Variants in NOL4 observed in about 807,000 individuals in gnomAD.
NOL4 encodes the protein nucleolar protein 4, also known as cancer/testis antigen 125.
In NOL4, 17 loss-of-function variants were observed where a neutral mutation model predicts 75.9. The ratio of observed to expected loss-of-function variants is 0.22; its 90% CI spans 0.15 to 0.34. The LOEUF (loss-of-function observed/expected upper bound fraction) is 0.34, where lower values mean the gene tolerates loss of function less well. NOL4 is among the 10% of genes least tolerant of loss of function. The pLI, the probability that NOL4 is intolerant of heterozygous loss-of-function variation, is 1.00. For missense variants in NOL4, 614 were observed against 793.5 expected (o/e 0.77, Z 2.72); for synonymous variants, 292 against 289.9 (o/e 1.01, Z -0.07).
At chr18:33,988,879 C>T (rs2072691972) in intron 6 of NOL4, among the ~76,000 whole-genome samples, 1 of 151,896 alleles carries the variant, frequency 6.6e-6, no homozygotes, top group African/African-American at 2.4e-5. Context: ...AAATTTTTAT[C>T]AAGTTATTTA....
chr18:34,209,581 C>G (rs955017409), intron 1 of NOL4, among the ~76,000 whole-genome samples: 1 of 152,050 alleles, frequency 6.6e-6, no homozygotes, highest in Non-Finnish European at 1.5e-5. Context: ...TCAACAGCCA[C>G]CCAGTGATTA....
chr18:33,978,437 A>G (rs2071679984), intron 6 of NOL4, among the ~76,000 whole-genome samples: 1 of 152,110 alleles, frequency 6.6e-6, no homozygotes. Context: ...CTCTTCCATA[A>G]GAAGGATTTA....
At chr18:34,052,714 T>A (rs985775594) in intron 5 of NOL4, among the ~76,000 whole-genome samples, 7 of 152,070 alleles carry the variant, frequency 4.6e-5, no homozygotes, top group Admixed American at 4.6e-4. Flanking sequence ...AACATAGGAC[T>A]TTATGATTCA....
intron 1 of NOL4, among the ~76,000 whole-genome samples, chr18:34,165,686 G>A (rs1732381177): frequency 6.6e-6 from 1 of 151,944 alleles, no homozygotes; most frequent in African/African-American, 2.4e-5. Context: ...AAAGTTAAGA[G>A]GTGATCTTAA....
chr18:34,156,138 C>A (rs1203010193), intron 1 of NOL4, among the ~76,000 whole-genome samples: 1 of 152,144 alleles, frequency 6.6e-6, no homozygotes, highest in Non-Finnish European at 1.5e-5. Context: ...GGCTGCAGAA[C>A]TTCCCGTGCA....
chr18:33,932,577 A>C (rs1190548981), intron 9 of NOL4, among the ~76,000 whole-genome samples: 1 of 152,162 alleles, frequency 6.6e-6, no homozygotes, highest in African/African-American at 2.4e-5. Context: ...GATAGAAAAA[A>C]AGTAAAATTA....
intron 6 of NOL4, among the ~76,000 whole-genome samples, chr18:33,993,834 G>A (rs1364346703): frequency 1.3e-5 from 2 of 151,500 alleles, no homozygotes; most frequent in Non-Finnish European, 3.0e-5. Context: ...TACTAGAAGG[G>A]ATTAACAGTA....
chr18:33,945,327 A>G (rs1412505688), intron 8 of NOL4, among the ~76,000 whole-genome samples: 2 of 151,750 alleles, frequency 1.3e-5, no homozygotes, highest in African/African-American at 4.8e-5. Flanking sequence ...TTACTAAATG[A>G]TTACATTGTA....
At chr18:34,060,839 G>C (rs1034031782) in intron 5 of NOL4, among the ~76,000 whole-genome samples, 2 of 152,106 alleles carry the variant, frequency 1.3e-5, no homozygotes, top group Non-Finnish European at 2.9e-5. Flanking sequence ...TCTATGTTTT[G>C]GCAACTACTG....
At chr18:34,203,734 C>CACACAT (rs2035924858) in intron 1 of NOL4, among the ~76,000 whole-genome samples, 1 of 150,050 alleles carries the variant, frequency 6.7e-6, no homozygotes, top group South Asian at 2.1e-4. Context: ...CACACACACA[C>CACACAT]ACACACACAC....
intron 6 of NOL4, among the ~76,000 whole-genome samples, chr18:33,963,877 C>T (rs2070356266): frequency 6.6e-6 from 1 of 152,136 alleles, no homozygotes; most frequent in Non-Finnish European, 1.5e-5. Context: ...CCTAGGATGG[C>T]TCAGATAGCA....
chr18:33,998,123 A>G (rs1443036981), intron 6 of NOL4, among the ~76,000 whole-genome samples: 2 of 152,070 alleles, frequency 1.3e-5, no homozygotes, highest in African/African-American at 4.8e-5. Context: ...GATGAGTAAG[A>G]TGGGAAGAAA....
intron 8 of NOL4, among the ~76,000 whole-genome samples, chr18:33,955,854 T>C (rs887440532): frequency 6.6e-6 from 1 of 152,132 alleles, no homozygotes; most frequent in African/African-American, 2.4e-5. Context: ...TAGGTAATTT[T>C]TCAATAGATT....
Position 34,204,546 on chromosome 18 carries a change from G to A in NOL4, c.264+18444C>T, listed in dbSNP as rs72961231. ...CTTTGGTCAAAATGTATTCTAAATA[G>A]TGAGTAGGAAAAAAGAATGAGTGAA... On this transcript the variant is annotated intron_variant, in intron 1 of 10. Coordinates refer to ENST00000261592, the MANE Select transcript of NOL4 (RefSeq NM_003787.5). 2.7e-3 allele frequency among the ~76,000 whole-genome samples: 408 copies of A among 152,220 alleles called. 1 individual carries two copies. Among genetic ancestry groups the A allele is most frequent in the Non-Finnish European group, 4.4e-3 (296 of 67,966 alleles).
chr18:33,957,928 A>G (rs2069781606), intron 7 of NOL4, among the ~76,000 whole-genome samples: 1 of 152,150 alleles, frequency 6.6e-6, no homozygotes, highest in Non-Finnish European at 1.5e-5. Context: ...TAGATAAGCT[A>G]GGAAAGCAAA....
chr18:34,048,322 A>C lies in NOL4; in HGVS notation c.773-28721T>G, dbSNP rs565251908. The C allele has an allele frequency of 1.1e-5, 5 of 453,666 alleles. No individual in the cohort carries two copies. The South Asian group carries it at 3.7e-4, about 33-fold the overall frequency. 28.1% of individuals were successfully genotyped at this position (453,666 alleles called of 1,614,324 possible). A position where few individuals can be genotyped will look rare whatever the true frequency, so the allele number is the denominator to read the frequency against. On this transcript the variant is annotated intron_variant, in intron 5 of 10. Coordinates refer to ENST00000261592, the MANE Select transcript of NOL4 (RefSeq NM_003787.5). ...TTTAAATAACAACTGAACTAGGAAAACATTGGCATTTATCAGAGTCTACTC... is the reference window on the plus strand; with the variant it reads ...TTTAAATAACAACTGAACTAGGAAACCATTGGCATTTATCAGAGTCTACTC...
chr18:34,203,357 T>C (rs2035870193), intron 1 of NOL4, among the ~76,000 whole-genome samples: 1 of 151,958 alleles, frequency 6.6e-6, no homozygotes, highest in South Asian at 2.1e-4. Context: ...AACTGTTCCA[T>C]ATATTGAGTG....
At chr18:33,901,640 A>G (rs1281485593) in intron 9 of NOL4, among the ~76,000 whole-genome samples, 1 of 152,106 alleles carries the variant, frequency 6.6e-6, no homozygotes, top group Non-Finnish European at 1.5e-5. Context: ...GTTTTCATCC[A>G]TAACATATTA....
chr18:34,023,457 A>C (rs553784440), intron 5 of NOL4: 1 of 456,228 alleles, frequency 2.2e-6, no homozygotes, highest in South Asian at 1.5e-5. Context: ...AGTTTGGTCC[A>C]TCCTGAGTAG....
Sources: gnomAD v4.1 joint callset for allele counts (sites outside exome capture counted in the v4.1 genomes callset) on GRCh38, gnomAD v4.1.1 for gene constraint, MANE v1.5 for transcripts, NCBI Gene and HGNC (gene_info 2026-07-23, HGNC 2026-07-21) for gene names.